The following RMDN2 variants were observed in gnomAD, a reference collection of about 807,000 sequenced individuals.
The protein encoded by RMDN2 is regulator of microtubule dynamics protein 2.
In RMDN2, 61 loss-of-function variants were observed where a neutral mutation model predicts 52.8. The ratio of observed to expected loss-of-function variants is 1.16; its 90% CI spans 0.94 to 1.43. RMDN2 has a LOEUF of 1.43. Ranked by LOEUF, RMDN2 falls within the 40% of genes most tolerant of loss-of-function variation. The probability of loss-of-function intolerance (pLI) is 0.00; values close to 1 mark genes in which losing one functional copy is unlikely to be tolerated. For missense variants in RMDN2, 592 were observed against 475.3 expected (o/e 1.25, Z -2.28); for synonymous variants, 180 against 153.1 (o/e 1.18, Z -1.30).
In RMDN2 at chr2:37,985,202, G is replaced by T. The variant is rs1256277621; in HGVS notation, c.791+3859G>T. On this transcript the variant is annotated intron_variant, in intron 5 of 10. Transcript: ENST00000354545. ...AAAAGCCTAGAGATATCCATAAGTA[G>T]TTCTGATTTGCAGAAAATAGCAGAA... Among the ~76,000 whole-genome samples the T allele has an allele frequency of 4.6e-5, 7 of 152,054 alleles. No individual in the cohort carries two copies. In the East Asian group the frequency reaches 1.3e-3, roughly 29 times the overall value.
chr2:37,960,531 G>A (rs953684992), intron 2 of RMDN2, among the ~76,000 whole-genome samples: 3 of 151,956 alleles, frequency 2.0e-5, no homozygotes, highest in African/African-American at 7.3e-5. Context: ...GAGCCTATGT[G>A]TGTCTTTGCA....
At chr2:37,968,933 T>A (rs1671438342) in intron 2 of RMDN2, among the ~76,000 whole-genome samples, 1 of 152,216 alleles carries the variant, frequency 6.6e-6, no homozygotes, top group Non-Finnish European at 1.5e-5. Flanking sequence ...ATATGCCCTA[T>A]TTTTAAAATT....
At chr2:37,999,751 C>T (rs1001835676) in intron 8 of RMDN2, among the ~76,000 whole-genome samples, 5 of 152,012 alleles carry the variant, frequency 3.3e-5, no homozygotes, top group Admixed American at 1.3e-4. Flanking sequence ...CAGACTGCCC[C>T]GAATCCACCC....
intron 10 of RMDN2, 46 bp downstream of exon 10, chr2:38,004,262 A>C: frequency 7.7e-7 from 1 of 1,303,220 alleles, no homozygotes; most frequent in South Asian, 1.2e-5. Flanking sequence ...TGTTAGTACT[A>C]TTCGAGCTCA....
chr2:38,018,241 G>T (rs995090320), downstream of RMDN2, among the ~76,000 whole-genome samples: 3 of 152,168 alleles, frequency 2.0e-5, no homozygotes, highest in Non-Finnish European at 4.4e-5. Context: ...TTCAATGCTA[G>T]CAATATTGTC....
chr2:37,993,312 G>C (rs1047951750), intron 7 of RMDN2, among the ~76,000 whole-genome samples: 1 of 152,140 alleles, frequency 6.6e-6, no homozygotes, highest in Non-Finnish European at 1.5e-5. Flanking sequence ...TATGAATTGT[G>C]GAAGAGGAAG....
At chr2:37,925,138 C>A (rs552917306), upstream of RMDN2, among the ~76,000 whole-genome samples, 1 of 152,106 alleles carries the variant, frequency 6.6e-6, no homozygotes, top group African/African-American at 2.4e-5. Context: ...CACGGTCCGG[C>A]GCGAGCCAGG....
At chr2:38,025,479 C>T (rs1679712266) in intron 10 of RMDN2, among the ~76,000 whole-genome samples, 1 of 151,768 alleles carries the variant, frequency 6.6e-6, no homozygotes, top group Non-Finnish European at 1.5e-5. Context: ...TTGTTTTTGC[C>T]TTATTGTACA....
rs1666564833 is a variant in RMDN2 at position 37,929,721 on chromosome 2, T to C, written c.444T>C (p.Ser148=). The change falls in exon 2 of 11, where the codon AGT becomes AGC. Residue 148 remains serine, a synonymous_variant. Transcript: ENST00000354545. ...GTAATAGTTCAGAGGAAGCAGAAAG[T>C]GAAGGAGGGTAAGTTTCTTTAAGAT... The part of the protein sequence containing the change: ...ATSNSSEEAE[S]EGGYITANTD... The C allele has an allele frequency of 6.7e-7, 1 of 1,503,090 alleles. No individual in the cohort carries two copies. The highest frequency in any genetic ancestry group is 8.9e-7 in the Non-Finnish European group (1 of 1,129,898). The allele number at this position is 1,503,090 out of a possible 1,614,324, so 93.1% of individuals were successfully genotyped here. A position where few individuals can be genotyped will look rare whatever the true frequency, so the allele number is the denominator to read the frequency against.
chr2:38,025,216 T>C (rs1239164769), intron 10 of RMDN2, among the ~76,000 whole-genome samples: 1 of 152,088 alleles, frequency 6.6e-6, no homozygotes, highest in African/African-American at 2.4e-5. Flanking sequence ...TACAGGTCTT[T>C]CACATTTTTG....
rs1668721599 is a variant in RMDN2, at chr2:37,951,098, G to C, written c.452+21369G>C. The stretch of plus-strand genomic sequence containing the variant: ...AGCTCCCCTATTCTTCTTATTCCCT[G>C]CTGTTTTCATATTAGTATGGAAACA... On this transcript the variant is annotated intron_variant, in intron 2 of 10. Transcript: ENST00000354545. 4 of 818,666 alleles carry C rather than the reference G, an allele frequency of 4.9e-6. No homozygotes were observed. The East Asian group carries it at 7.4e-5, about 15-fold the overall frequency. 50.7% of individuals were successfully genotyped at this position (818,666 alleles called of 1,614,324 possible).
intron 10 of RMDN2, among the ~76,000 whole-genome samples, chr2:38,062,779 C>A (rs368166900): frequency 1.8e-4 from 24 of 136,590 alleles, no homozygotes; most frequent in Admixed American, 3.9e-4. Context: ...TCCCCCCCCC[C>A]ACAACAGTCC....
intron 2 of RMDN2, chr2:37,953,212 C>G (rs1453474573): frequency 5.9e-5 from 9 of 151,832 alleles, no homozygotes; most frequent in Admixed American, 5.9e-4. Context: ...AATTTACTAT[C>G]TTAACCATTT....
chr2:37,951,388 C>T, intron 2 of RMDN2: 1 of 1,613,210 alleles, frequency 6.2e-7, no homozygotes, highest in Non-Finnish European at 8.5e-7. Flanking sequence ...GTCAATGCAG[C>T]CAAAGCAAGT....
chr2:38,017,532 ATCC>A lies in RMDN2; in HGVS notation c.*294_*296del. On this transcript the variant is annotated 3_prime_UTR_variant, in exon 11 of 11. Coordinates refer to ENST00000354545, the MANE Select transcript of RMDN2 (RefSeq NM_001170791.3). ...ATATTTCTTTAAATAAAATATTTAA[ATCC>A]AATAAAATGAATTCTCATGAATATT... 8.9e-7 allele frequency: 1 copy of A among 1,119,436 alleles called. No individual in the cohort carries two copies. 69.3% of individuals were successfully genotyped at this position (1,119,436 alleles called of 1,614,324 possible).
At chr2:38,007,020 T>C (rs2125206953) in intron 10 of RMDN2, among the ~76,000 whole-genome samples, 1 of 152,342 alleles carries the variant, frequency 6.6e-6, no homozygotes, top group East Asian at 1.9e-4. Context: ...TTGATCTACG[T>C]ATGTTGAACC....
chr2:38,025,121 A>C (rs1679680671), intron 10 of RMDN2, among the ~76,000 whole-genome samples: 2 of 152,264 alleles, frequency 1.3e-5, no homozygotes, highest in South Asian at 4.1e-4. Flanking sequence ...CATCAGTTTT[A>C]AGTCTTGCAA....
downstream of RMDN2, among the ~76,000 whole-genome samples, chr2:38,019,346 A>T (rs74769568): frequency 1.8e-3 from 276 of 152,314 alleles, 1 homozygote; most frequent in African/African-American, 6.4e-3. Context: ...CTGACATAAG[A>T]TCTAATCAGT....
chr2:37,966,570 C>T (rs1170907982), intron 2 of RMDN2, among the ~76,000 whole-genome samples: 4 of 152,110 alleles, frequency 2.6e-5, no homozygotes, highest in Non-Finnish European at 4.4e-5. Flanking sequence ...CATGAGGCCC[C>T]GTAGGTCCTT....
Sources: gnomAD v4.1 joint callset for allele counts (sites outside exome capture counted in the v4.1 genomes callset) on GRCh38, gnomAD v4.1.1 for gene constraint, MANE v1.5 for transcripts, NCBI Gene and HGNC (gene_info 2026-07-23, HGNC 2026-07-21) for gene names.